Variants in TOR1AIP1 observed in about 807,000 individuals in gnomAD.
The protein encoded by TOR1AIP1 is torsin 1A interacting protein 1, also known as torsin-1A-interacting protein 1.
In TOR1AIP1, 54 loss-of-function variants were observed where a neutral mutation model predicts 63.3. That is an observed-to-expected ratio of 0.85 (90% CI 0.69 to 1.07). The LOEUF is 1.07. TOR1AIP1 is among the 50% of genes least tolerant of loss of function. The probability of loss-of-function intolerance (pLI) is 0.00; values close to 1 mark genes in which losing one functional copy is unlikely to be tolerated. For missense variants in TOR1AIP1, 736 were observed against 715.0 expected, an observed-to-expected ratio of 1.03 and a Z score of -0.33; for synonymous variants, 294 against 273.5, an observed-to-expected ratio of 1.07 and a Z score of -0.74.
chr1:179,889,759 GTCC>G (rs2148471977), intron 3 of TOR1AIP1, among the ~76,000 whole-genome samples: 1 of 151,790 alleles, frequency 6.6e-6, no homozygotes, highest in Non-Finnish European at 1.5e-5. Flanking sequence ...GGCTCAAGCA[GTCC>G]TCCTGCCTTA....
In TOR1AIP1 at chr1:179,882,695, G is replaced by C. The variant is rs766275401; in HGVS notation, c.193G>C (p.Glu65Gln). Residue 65 changes from glutamate (E) to glutamine (Q), a missense_variant, in exon 1 of 10, where the codon GAA becomes CAA. Physicochemically the swap from Glu to Gln is conservative, Grantham distance 29 (BLOSUM62 2). Transcript: ENST00000606911. ...REVRFSDEPP[E>Q]VYGDFEPLVA... ...AGTGAGGTTCTCGGACGAGCCGCCA[G>C]AAGTGTACGGCGACTTCGAGCCCCT... 1 of 1,611,216 alleles carries C rather than the reference G, an allele frequency of 6.2e-7. No homozygotes were observed. Among genetic ancestry groups the C allele is most frequent in the Admixed American group, 1.7e-5 (1 of 59,580 alleles).
intron 3 of TOR1AIP1, 41 bp from the exon 4 acceptor site, chr1:179,900,085 T>C (rs1648402372): frequency 6.7e-7 from 1 of 1,483,046 alleles, no homozygotes; most frequent in African/African-American, 1.4e-5. Context: ...TAACTTTTGA[T>C]GTTATATGTT....
rs189281110 is a variant in TOR1AIP1 at position 179,900,471 on chromosome 1, C to G, written c.652+304C>G. The G allele has an allele frequency of 7.2e-4, 140 of 193,710 alleles. 1 individual carries two copies. Among genetic ancestry groups the G allele is most frequent in the Admixed American group, 5.7e-3 (97 of 17,104 alleles). 12.0% of individuals were successfully genotyped at this position (193,710 alleles called of 1,614,324 possible). On this transcript the variant is annotated intron_variant, in intron 4 of 9. Coordinates refer to ENST00000606911, the MANE Select transcript of TOR1AIP1 (RefSeq NM_015602.4). Reference sequence around the variant, plus strand: ...TGAATCCATTCAGTTCAGAAACGGACCAGGTCAAAACTCCCGTGCTGATCA... The same window carrying G: ...TGAATCCATTCAGTTCAGAAACGGAGCAGGTCAAAACTCCCGTGCTGATCA...
At chr1:179,917,105 T>C (rs1025425395) in intron 9 of TOR1AIP1, among the ~76,000 whole-genome samples, 5 of 152,240 alleles carry the variant, frequency 3.3e-5, no homozygotes, top group African/African-American at 1.2e-4. Context: ...TTTAATAGTC[T>C]ATTCTCCCAA....
At chr1:179,906,777 G>A (rs1427561265) in intron 6 of TOR1AIP1, among the ~76,000 whole-genome samples, 5 of 117,408 alleles carry the variant, frequency 4.3e-5, no homozygotes, top group East Asian at 5.2e-4. Context: ...TCGCTCTGTC[G>A]CCCAGGCAGG....
At chr1:179,906,743 C>CGCT (rs1491104735) in intron 6 of TOR1AIP1, among the ~76,000 whole-genome samples, 1 of 39,854 alleles carries the variant, frequency 2.5e-5, no homozygotes, top group African/African-American at 8.4e-5. Flanking sequence ...CCCCCCCCCC[C>CGCT]TTTTTTTTTT....
chr1:179,897,665 GTAAC>G (rs1264151857), intron 3 of TOR1AIP1, among the ~76,000 whole-genome samples: 1 of 152,102 alleles, frequency 6.6e-6, no homozygotes. Flanking sequence ...AATTTTTAGA[GTAAC>G]TATGTAAAAC....
intron 6 of TOR1AIP1, among the ~76,000 whole-genome samples, chr1:179,905,789 C>G (rs1284796255): frequency 6.6e-6 from 1 of 152,042 alleles, no homozygotes; most frequent in East Asian, 1.9e-4. Flanking sequence ...CCCGTCTCTG[C>G]TAAAAATACA....
intron 2 of TOR1AIP1, among the ~76,000 whole-genome samples, chr1:179,888,835 T>C (rs1276961288): frequency 6.6e-6 from 1 of 152,228 alleles, no homozygotes; most frequent in Non-Finnish European, 1.5e-5. Flanking sequence ...CCCACATTAA[T>C]GTTTTTATTT....
At chr1:179,920,076 CTA>C (rs1393948079), downstream of TOR1AIP1, 2 of 152,084 alleles carry the variant, frequency 1.3e-5, no homozygotes, top group African/African-American at 2.4e-5. Context: ...TTTATACTCT[CTA>C]TGTGTTATAA....
In TOR1AIP1 at chr1:179,917,686, G is replaced by T; in HGVS notation, c.1199G>T (p.Ser400Ile). ...ACATTCCTGGAAAAACATCTTAATA[G>T]CTCCCATCCTCGGTCTCAGCCTGCT... The part of the protein sequence containing the change: ...SQTFLEKHLN[S>I]SHPRSQPAIL... Residue 400 changes from serine (S) to isoleucine (I), a missense_variant, in exon 10 of 10, where the codon AGC becomes ATC. Coordinates refer to ENST00000606911, the MANE Select transcript of TOR1AIP1 (RefSeq NM_015602.4). 6.2e-7 allele frequency: 1 copy of T among 1,614,188 alleles called. No homozygotes were observed. The highest frequency in any genetic ancestry group is 8.5e-7 in the Non-Finnish European group (1 of 1,180,058).
chr1:179,903,242 G>A lies in TOR1AIP1; in HGVS notation c.740-724G>A, dbSNP rs114494383. 9.6e-3 allele frequency among the ~76,000 whole-genome samples: 1,463 copies of A among 151,950 alleles called. 23 individuals carry two copies. Among genetic ancestry groups the A allele is most frequent in the African/African-American group, 0.032 (1,320 of 41,436 alleles). ...GTTCATGACCAGCCTGGGCAGTAAC[G>A]TGAGACTCCATCTCTTAAAAAAAAA... On this transcript the variant is annotated intron_variant, in intron 5 of 9. Transcript: ENST00000606911.
chr1:179,898,538 A>G (rs767985349), intron 3 of TOR1AIP1, among the ~76,000 whole-genome samples: 3 of 152,176 alleles, frequency 2.0e-5, no homozygotes, highest in Non-Finnish European at 4.4e-5. Flanking sequence ...AAAGAGAACA[A>G]TACCTTTTTG....
At position 179,906,118 on chromosome 1, in the gene TOR1AIP1, G is replaced by GATAT. The variant is rs1367793867; in HGVS notation, c.797-1702_797-1699dup. Among the ~76,000 whole-genome samples, 3 of 152,130 alleles carry GATAT rather than the reference G, an allele frequency of 2.0e-5. No individual in the cohort carries two copies. In the East Asian group the frequency reaches 5.8e-4, roughly 29 times the overall value. Reference sequence around the variant, plus strand: ...AACTATGCCATACCATTAATTAAAAGATATATCTGTAGATCAAAGGGCATT... The same window carrying GATAT: ...AACTATGCCATACCATTAATTAAAAGATATATATATCTGTAGATCAAAGGGCATT... On this transcript the variant is annotated intron_variant, in intron 6 of 9. Coordinates refer to ENST00000606911, the MANE Select transcript of TOR1AIP1 (RefSeq NM_015602.4).
chr1:179,907,849 C>T lies in TOR1AIP1; in HGVS notation c.823C>T (p.Gln275Ter). The T allele has an allele frequency of 6.3e-7, 1 of 1,587,410 alleles. No individual in the cohort carries two copies. The highest frequency in any genetic ancestry group is 8.6e-7 in the Non-Finnish European group (1 of 1,165,906). Residue 275 changes from glutamine (Q) to a stop codon, truncating the protein, a stop_gained, in exon 7 of 10, where the codon CAA becomes TAA. Transcript: ENST00000606911. LOFTEE classifies it high-confidence loss of function. The stretch of plus-strand genomic sequence containing the variant: ...TCAAAACTTCACAGCTCATGATAAG[C>T]AACCTTCAGTGCTAAGTAAGTAGTT... Reference protein sequence around the residue: ...QSQNFTAHDKQPSVLSSGYQK... With the variant: ...QSQNFTAHDK
At chr1:179,889,437 A>T (rs932189437) in intron 3 of TOR1AIP1, 68 bp downstream of exon 3, 2 of 1,339,278 alleles carry the variant, frequency 1.5e-6, no homozygotes, top group African/African-American at 2.9e-5. Flanking sequence ...ATATGGTTGT[A>T]CATGTATTCA....
In TOR1AIP1 at chr1:179,914,065, G is replaced by A; in HGVS notation, c.964+11G>A. The A allele has an allele frequency of 6.2e-7, 1 of 1,610,532 alleles. No individual in the cohort carries two copies. The highest frequency in any genetic ancestry group is 2.2e-5 in the East Asian group (1 of 44,820). On this transcript the variant is annotated intron_variant, in intron 9 of 9. Coordinates refer to ENST00000606911, the MANE Select transcript of TOR1AIP1 (RefSeq NM_015602.4). Reference sequence around the variant, plus strand: ...CAACCTCCAGCCGACGTAAGTTTATGTATTCAGTTTTTATTAAATATTTCT... The same window carrying A: ...CAACCTCCAGCCGACGTAAGTTTATATATTCAGTTTTTATTAAATATTTCT...
At chr1:179,916,066 A>G (rs1290856420) in intron 9 of TOR1AIP1, among the ~76,000 whole-genome samples, 1 of 152,200 alleles carries the variant, frequency 6.6e-6, no homozygotes, top group African/African-American at 2.4e-5. Context: ...TATGTACTCA[A>G]GGATTCAGAT....
rs573163000 is a variant in TOR1AIP1 at position 179,914,038 on chromosome 1, A to G, written c.948A>G (p.Pro316=). 2.1e-4 allele frequency: 332 copies of G among 1,613,950 alleles called. 1 individual carries two copies. Among genetic ancestry groups the G allele is most frequent in the South Asian group, 5.6e-4 (51 of 91,044 alleles). Residue 316 remains proline, a synonymous_variant, in exon 9 of 10, where the codon CCA becomes CCG. Coordinates refer to ENST00000606911, the MANE Select transcript of TOR1AIP1 (RefSeq NM_015602.4). Reference sequence around the variant, plus strand: ...AATCAGAGCTTGGAAACCAGTCACCATCAACCTCCAGCCGACGTAAGTTTA... The same window carrying G: ...AATCAGAGCTTGGAAACCAGTCACCGTCAACCTCCAGCCGACGTAAGTTTA... ...ILKSELGNQS[P]STSSRQVTGQ...
Sources: gnomAD v4.1 joint callset for allele counts (sites outside exome capture counted in the v4.1 genomes callset) on GRCh38, gnomAD v4.1.1 for gene constraint, MANE v1.5 for transcripts, NCBI Gene and HGNC (gene_info 2026-07-23, HGNC 2026-07-21) for gene names.